The following KCNU1 variants were observed in gnomAD, a reference collection of about 807,000 sequenced individuals.
The protein encoded by KCNU1 is potassium channel subfamily U member 1.
Under a neutral mutation model 126.8 loss-of-function variants are expected in KCNU1, and 93 were observed. The ratio of observed to expected loss-of-function variants is 0.73; its 90% CI spans 0.62 to 0.87. The LOEUF (loss-of-function observed/expected upper bound fraction) is 0.87, where lower values mean the gene tolerates loss of function less well. Among genes scored for constraint, KCNU1 ranks in the 40% least tolerant of loss-of-function variants. KCNU1 has a pLI of 0.00. For synonymous variants in KCNU1, 523 were observed against 494.2 expected, an observed-to-expected ratio of 1.06 and a Z score of -0.77; for missense variants, 1,330 against 1,367.1, an observed-to-expected ratio of 0.97 and a Z score of 0.43.
intron 19 of KCNU1, among the ~76,000 whole-genome samples, chr8:36,900,784 T>G (rs1023538142): frequency 6.6e-6 from 1 of 152,150 alleles, no homozygotes; most frequent in African/African-American, 2.4e-5. Flanking sequence ...TTGACTATTA[T>G]GCTCAAGAGA....
At chr8:36,875,220 A>C (rs1806236665) in intron 19 of KCNU1, among the ~76,000 whole-genome samples, 1 of 151,866 alleles carries the variant, frequency 6.6e-6, no homozygotes, top group South Asian at 2.1e-4. Context: ...CATATATTGC[A>C]GATAAATTAC....
chr8:36,930,093 T>A (rs1221821663), intron 24 of KCNU1, among the ~76,000 whole-genome samples: 1 of 152,106 alleles, frequency 6.6e-6, no homozygotes, highest in African/African-American at 2.4e-5. Flanking sequence ...ATAGAAATTC[T>A]CATTTTTAAT....
intron 19 of KCNU1, among the ~76,000 whole-genome samples, chr8:36,903,831 A>G (rs780993768): frequency 2.6e-4 from 39 of 152,180 alleles, no homozygotes; most frequent in Non-Finnish European, 4.6e-4. Flanking sequence ...GTCCTTCTTC[A>G]CATGATGGCA....
At chr8:36,935,493 T>C (rs373532931) in intron 26 of KCNU1, 22 bp from the exon 27 acceptor site, 2 of 1,555,206 alleles carry the variant, frequency 1.3e-6, no homozygotes, top group Middle Eastern at 3.5e-4. Flanking sequence ...ACCTCAGCAT[T>C]TATCTTTGAC....
At chr8:36,835,436 C>T (rs1274769360) in intron 12 of KCNU1, among the ~76,000 whole-genome samples, 1 of 151,892 alleles carries the variant, frequency 6.6e-6, no homozygotes, top group African/African-American at 2.4e-5. Context: ...CTTCCACCTC[C>T]CCGGTGCAAG....
intron 19 of KCNU1, among the ~76,000 whole-genome samples, chr8:36,881,282 C>A (rs1198431073): frequency 6.6e-6 from 1 of 152,178 alleles, no homozygotes; most frequent in Non-Finnish European, 1.5e-5. Flanking sequence ...CTTGCTCTGT[C>A]ATCTAGGCTG....
intron 2 of KCNU1, among the ~76,000 whole-genome samples, chr8:36,788,832 G>A (rs531132086): frequency 6.6e-6 from 1 of 152,238 alleles, no homozygotes; most frequent in South Asian, 2.1e-4. Context: ...GTTTGTGTGA[G>A]AAACTTTGGG....
intron 2 of KCNU1, among the ~76,000 whole-genome samples, chr8:36,797,388 T>C (rs1422666160): frequency 3.3e-5 from 5 of 152,184 alleles, no homozygotes; most frequent in African/African-American, 1.2e-4. Context: ...AGGGATTATG[T>C]AAATCAAATA....
At chr8:36,864,871 A>G (rs1805851922) in intron 19 of KCNU1, among the ~76,000 whole-genome samples, 1 of 152,100 alleles carries the variant, frequency 6.6e-6, no homozygotes, top group African/African-American at 2.4e-5. Context: ...CAATACATTC[A>G]AGATGTGATT....
chr8:36,795,217 T>C (rs773572674), intron 2 of KCNU1: 2 of 152,408 alleles, frequency 1.3e-5, no homozygotes, highest in Non-Finnish European at 2.9e-5. Flanking sequence ...CTGTTAGCTT[T>C]GGCAGACGGG....
At chr8:36,866,416 A>G (rs1250233435) in intron 19 of KCNU1, among the ~76,000 whole-genome samples, 1 of 152,132 alleles carries the variant, frequency 6.6e-6, no homozygotes, top group Non-Finnish European at 1.5e-5. Context: ...TAAGAGCAAT[A>G]TAAAAGTCCG....
intron 14 of KCNU1, among the ~76,000 whole-genome samples, chr8:36,839,476 A>T (rs1804871791): frequency 6.6e-6 from 1 of 152,204 alleles, no homozygotes; most frequent in African/African-American, 2.4e-5. Flanking sequence ...GCCTCATGAG[A>T]GGACTTTAAG....
At chr8:36,793,178 G>A (rs1802963937) in intron 2 of KCNU1, among the ~76,000 whole-genome samples, 1 of 147,816 alleles carries the variant, frequency 6.8e-6, no homozygotes, top group Non-Finnish European at 1.5e-5. Flanking sequence ...CACAGGAAGG[G>A]GGACATCACA....
At chr8:36,819,623 C>CT (rs1804048397) in intron 10 of KCNU1, among the ~76,000 whole-genome samples, 1 of 152,098 alleles carries the variant, frequency 6.6e-6, no homozygotes, top group African/African-American at 2.4e-5. Flanking sequence ...CAAAGCTCTT[C>CT]TTCTCCCTTT....
At chr8:36,848,684 C>G (rs1805236286) in intron 18 of KCNU1, among the ~76,000 whole-genome samples, 1 of 152,100 alleles carries the variant, frequency 6.6e-6, no homozygotes, top group African/African-American at 2.4e-5. Flanking sequence ...CACATTTCTC[C>G]CCGCGTACAG....
intron 24 of KCNU1, chr8:36,929,155 G>A (rs1213123718): frequency 3.5e-6 from 2 of 566,714 alleles, no homozygotes; most frequent in Non-Finnish European, 3.1e-6. Context: ...GCCAAGGTAG[G>A]TGGATCTCTT....
chr8:36,872,819 T>G (rs1470703426), intron 19 of KCNU1, among the ~76,000 whole-genome samples: 3 of 152,186 alleles, frequency 2.0e-5, no homozygotes, highest in Non-Finnish European at 4.4e-5. Context: ...ATGAATGTTA[T>G]TTCAATTAAC....
intron 23 of KCNU1, among the ~76,000 whole-genome samples, chr8:36,921,434 T>C (rs578122142): frequency 1.3e-5 from 2 of 152,104 alleles, no homozygotes; most frequent in East Asian, 3.9e-4. Context: ...AGAAACAAAC[T>C]TTGGGAGGCT....
intron 2 of KCNU1, among the ~76,000 whole-genome samples, chr8:36,790,386 A>C (rs1234320851): frequency 3.3e-5 from 5 of 152,218 alleles, no homozygotes; most frequent in Non-Finnish European, 7.4e-5. Context: ...AAGCAGAATA[A>C]ATTTAAAAGA....
Sources: gnomAD v4.1 joint callset for allele counts (sites outside exome capture counted in the v4.1 genomes callset) on GRCh38, gnomAD v4.1.1 for gene constraint, MANE v1.5 for transcripts, NCBI Gene and HGNC (gene_info 2026-07-23, HGNC 2026-07-21) for gene names.